WDR27: variants seen among roughly 807,000 people sequenced by gnomAD.
WDR27 encodes the protein WD repeat-containing protein 27.
WDR27 carries 100 observed loss-of-function variants against 114.4 expected under a neutral mutation model. That is an observed-to-expected ratio of 0.87 (90% confidence interval 0.74 to 1.03). The LOEUF (loss-of-function observed/expected upper bound fraction) is 1.03, where lower values mean the gene tolerates loss of function less well. Among genes scored for constraint, WDR27 ranks in the 50% least tolerant of loss-of-function variants. The pLI is 0.00. For synonymous variants in WDR27, 449 were observed against 423.1 expected (o/e 1.06, Z -0.75); for missense variants, 1,129 against 1,092.9 (o/e 1.03, Z -0.47).
intron 23 of WDR27, among the ~76,000 whole-genome samples, chr6:169,588,469 A>G (rs1805067414): frequency 6.6e-6 from 1 of 152,116 alleles, no homozygotes; most frequent in African/African-American, 2.4e-5. Context: ...AGTTTTTTCA[A>G]GTTGTTGAAA....
chr6:169,629,716 G>A (rs1308038081), intron 21 of WDR27, among the ~76,000 whole-genome samples: 1 of 151,874 alleles, frequency 6.6e-6, no homozygotes, highest in African/African-American at 2.4e-5. Context: ...CACCTGAGGT[G>A]AGGAGTTTGA....
Position 169,634,430 on chromosome 6 carries a change from G to A in WDR27, c.2099C>T (p.Ser700Phe), listed in dbSNP as rs1817180599. The change falls in exon 20 of 26, where the codon TCC becomes TTC. Residue 700 changes from serine to phenylalanine, a missense_variant and splice_region_variant. Physicochemically the swap from Ser to Phe is radical, Grantham distance 155. Coordinates refer to ENST00000448612, the MANE Select transcript of WDR27 (RefSeq NM_182552.5). ...TSLSAVNDFY[S>F]HIVLAAGRNR... ...CCAGGATCCGGGAGAAAGGATACGG[G>A]AATAAAAGTCGTTGACTGCCGATAA... 6.2e-7 allele frequency: 1 copy of A among 1,610,112 alleles called. No homozygotes were observed. The highest frequency in any genetic ancestry group is 8.5e-7 in the Non-Finnish European group (1 of 1,177,900).
chr6:169,475,161 A>G (rs1583639882), intron 25 of WDR27, among the ~76,000 whole-genome samples: 1 of 152,344 alleles, frequency 6.6e-6, no homozygotes, highest in Admixed American at 6.5e-5. Flanking sequence ...GTTTTATTTA[A>G]AAAGTTTTTC....
rs115838321 is a variant in WDR27, at chr6:169,545,098, A to C, written c.2645+27321T>G. Reference sequence around the variant, plus strand: ...GAATGGCATAAGCCCTACAATAGCTAAAACTTGACAAACAAGAATAAAATG... The same window carrying C: ...GAATGGCATAAGCCCTACAATAGCTCAAACTTGACAAACAAGAATAAAATG... On this transcript the variant is annotated intron_variant, in intron 25 of 25. Coordinates refer to ENST00000448612, the MANE Select transcript of WDR27 (RefSeq NM_182552.5). Among the ~76,000 whole-genome samples the C allele has an allele frequency of 2.5e-3, 380 of 152,350 alleles. 3 individuals carry two copies. Among genetic ancestry groups the C allele is most frequent in the African/African-American group, 8.2e-3 (340 of 41,584 alleles).
chr6:169,662,238 T>TA, intron 9 of WDR27, 66 bp downstream of exon 9: 1 of 1,564,604 alleles, frequency 6.4e-7, no homozygotes, highest in Non-Finnish European at 8.7e-7. Context: ...AAAATGAACC[T>TA]AATGTTCATC....
chr6:169,464,814 G>T (rs576127074), intron 25 of WDR27, among the ~76,000 whole-genome samples: 1 of 152,210 alleles, frequency 6.6e-6, no homozygotes, highest in Admixed American at 6.5e-5. Flanking sequence ...ATACAAATGC[G>T]CAAGAAGCAC....
chr6:169,639,242 G>C (rs1004792061), intron 17 of WDR27, among the ~76,000 whole-genome samples: 1 of 151,986 alleles, frequency 6.6e-6, no homozygotes, highest in African/African-American at 2.4e-5. Context: ...CGTGGTGCTG[G>C]GTACTGTGTG....
chr6:169,584,074 T>G (rs1804103219), intron 23 of WDR27, among the ~76,000 whole-genome samples: 1 of 84,898 alleles, frequency 1.2e-5, no homozygotes, highest in Non-Finnish European at 2.6e-5. Context: ...TCCCCGCCTA[T>G]GTCTACCCTG....
intron 9 of WDR27, among the ~76,000 whole-genome samples, chr6:169,661,555 G>A (rs1216918636): frequency 6.6e-6 from 1 of 152,184 alleles, no homozygotes; most frequent in Non-Finnish European, 1.5e-5. Flanking sequence ...TTCACCCAAC[G>A]ACCATCGTCA....
rs551557137 is a variant in WDR27, at chr6:169,660,432, G to A, written c.1129+231C>T. Among the ~76,000 whole-genome samples the A allele has an allele frequency of 2.0e-5, 3 of 152,308 alleles. No individual in the cohort carries two copies. In the South Asian group the frequency reaches 6.2e-4, roughly 32 times the overall value. On this transcript the variant is annotated intron_variant, in intron 10 of 25. Transcript: ENST00000448612. ...TGGAGTGCCAGGCGAGGGCCTGGCA[G>A]ATGTAGGCAAGGAGTGGCTCCAGGG...
intron 25 of WDR27, among the ~76,000 whole-genome samples, chr6:169,475,938 G>C (rs77001833): frequency 0.012 from 1,783 of 152,250 alleles, 38 homozygotes; most frequent in African/African-American, 0.041. Flanking sequence ...AATTTTGATA[G>C]AGATTGCAGT....
At chr6:169,434,384 G>A in the WDR27 span, among the ~76,000 whole-genome samples, 1 of 152,070 alleles carries the variant, frequency 6.6e-6, no homozygotes, top group African/African-American at 2.4e-5. Context: ...GAAGATTAGA[G>A]GGTTTAGATG....
intron 22 of WDR27, among the ~76,000 whole-genome samples, chr6:169,611,306 CTTTTTT>C (rs56812983): frequency 7.6e-6 from 1 of 132,250 alleles, no homozygotes; most frequent in African/African-American, 2.9e-5. Context: ...TTTTTACTTA[CTTTTTT>C]TTTTTTTTTT....
the WDR27 span, among the ~76,000 whole-genome samples, chr6:169,448,798 C>T: frequency 5.3e-5 from 8 of 152,162 alleles, no homozygotes; most frequent in Non-Finnish European, 8.8e-5. Flanking sequence ...TAAGCAGAAC[C>T]GATCCAGGTG....
chr6:169,664,380 G>C, intron 7 of WDR27, 94 bp from the exon 8 acceptor site: 2 of 1,594,456 alleles, frequency 1.3e-6, no homozygotes, highest in South Asian at 2.2e-5. Flanking sequence ...GGGCAGACAC[G>C]TCACAGGACG....
intron 25 of WDR27, among the ~76,000 whole-genome samples, chr6:169,495,776 A>T (rs1335537087): frequency 6.6e-6 from 1 of 151,784 alleles, no homozygotes; most frequent in African/African-American, 2.4e-5. Flanking sequence ...ATGAATCAGT[A>T]ACCAAAAATT....
chr6:169,493,552 C>T lies in WDR27; in HGVS notation c.2646-35918G>A, dbSNP rs566017637. 7.2e-5 allele frequency among the ~76,000 whole-genome samples: 11 copies of T among 152,116 alleles called. No individual in the cohort carries two copies. In the South Asian group the frequency reaches 2.1e-3, roughly 29 times the overall value. ...ACTACTTTTCTCCAAACCTGTTTTT[C>T]TCCATTTCCACTAATGTAACCACCA... On this transcript the variant is annotated intron_variant, in intron 25 of 25. Transcript: ENST00000448612.
At chr6:169,576,159 T>A (rs181608399) in intron 24 of WDR27, among the ~76,000 whole-genome samples, 2 of 152,218 alleles carry the variant, frequency 1.3e-5, no homozygotes, top group African/African-American at 4.8e-5. Context: ...TGTGGTAGAG[T>A]GTGTTCATGT....
intron 25 of WDR27, among the ~76,000 whole-genome samples, chr6:169,499,245 G>C (rs79360224): frequency 1.3e-5 from 2 of 152,206 alleles, no homozygotes; most frequent in African/African-American, 4.8e-5. Flanking sequence ...GGAGCCCAGC[G>C]TCAGCACCGA....
Sources: gnomAD v4.1 joint callset for allele counts (sites outside exome capture counted in the v4.1 genomes callset) on GRCh38, gnomAD v4.1.1 for gene constraint, MANE v1.5 for transcripts, NCBI Gene and HGNC (gene_info 2026-07-23, HGNC 2026-07-21) for gene names.